Variants in NIBAN2 observed in about 807,000 individuals in gnomAD.
The protein encoded by NIBAN2 is niban apoptosis regulator 2, also known as protein Niban 2.
Under a neutral mutation model 81.8 loss-of-function variants are expected in NIBAN2, and 36 were observed. The observed-to-expected ratio is 0.44, with a 90% CI of 0.34 to 0.58. NIBAN2 has a LOEUF of 0.58. Ranked by LOEUF, NIBAN2 falls within the 20% of genes least tolerant of loss-of-function variation. The pLI is 0.02. For missense variants in NIBAN2, 897 were observed against 1,014.1 expected (o/e 0.88, Z 1.57); for synonymous variants, 445 against 441.6 (o/e 1.01, Z -0.10).
At chr9:127,572,787 A>G (rs61228810), upstream of NIBAN2, among the ~76,000 whole-genome samples, 4,188 of 152,168 alleles carry the variant, frequency 0.028, 75 homozygotes, top group Middle Eastern at 0.048. Flanking sequence ...GCTCACACTC[A>G]TAATGCCAGC....
intron 1 of NIBAN2, among the ~76,000 whole-genome samples, chr9:127,556,399 C>G (rs111862625): frequency 6.6e-6 from 1 of 152,078 alleles, no homozygotes; most frequent in South Asian, 2.1e-4. Context: ...CCTACCAGGA[C>G]CTTCATCCAG....
At chr9:127,531,408 T>C (rs1430545628) in intron 2 of NIBAN2, among the ~76,000 whole-genome samples, 8 of 150,944 alleles carry the variant, frequency 5.3e-5, no homozygotes, top group Admixed American at 4.0e-4. Flanking sequence ...GCCTTGAACC[T>C]GGGAGGCGGA....
intron 1 of NIBAN2, among the ~76,000 whole-genome samples, chr9:127,535,270 GC>G (rs11340184): frequency 0.023 from 3,465 of 152,358 alleles, 122 homozygotes; most frequent in African/African-American, 0.079. Flanking sequence ...ACACAGGTCT[GC>G]CTGACCGCAG....
chr9:127,527,364 G>A, intron 2 of NIBAN2, 42 bp from the exon 3 acceptor site: 2 of 1,587,296 alleles, frequency 1.3e-6, no homozygotes, highest in East Asian at 4.5e-5. Context: ...CAGGTCTGGG[G>A]GGGTGGTGCT....
At position 127,508,452 on chromosome 9, in the gene NIBAN2, G is replaced by A. The variant is rs1439082808; in HGVS notation, c.1404C>T (p.Ser468=). 3.1e-6 allele frequency: 5 copies of A among 1,613,306 alleles called. No homozygotes were observed. The highest frequency in any genetic ancestry group is 1.3e-5 in the African/African-American group (1 of 75,042). The part of the protein sequence containing the change: ...KGPTKEELCK[S]IQRVLERVLK... ...GCACCCGCTCCAGGACCCGCTGGAT[G>A]GACTTGCACAGCTCCTCCTTGGTGG... The change falls in exon 11 of 14, where the codon TCC becomes TCT. Residue 468 remains serine, a synonymous_variant. Transcript: ENST00000373312. The surrounding 1 kb of genome is among the most constrained non-coding windows in gnomAD (Gnocchi z 6.4).
chr9:127,544,381 G>T (rs1015755811), intron 1 of NIBAN2, among the ~76,000 whole-genome samples: 4 of 152,178 alleles, frequency 2.6e-5, no homozygotes, highest in African/African-American at 9.7e-5. Context: ...ACCTCACAAG[G>T]TTGCTAGGGC....
chr9:127,517,053 T>C lies in NIBAN2; in HGVS notation c.811-34A>G. The C allele has an allele frequency of 6.2e-7, 1 of 1,611,004 alleles. No individual in the cohort carries two copies. Among genetic ancestry groups the C allele is most frequent in the African/African-American group, 1.3e-5 (1 of 74,938 alleles). On this transcript the variant is annotated intron_variant, in intron 7 of 13. Transcript: ENST00000373312. This position sits in a 1 kb window ranked among gnomAD's most constrained non-coding sequence, Gnocchi z 4.0. ...AGAGCAGCTGAATTGGCACCAGGGC[T>C]GAGGGCACCGCACCAGCTGCAGGTC... is the stretch of plus-strand genomic sequence containing the variant.
chr9:127,565,230 G>T (rs1251989254), intron 1 of NIBAN2, among the ~76,000 whole-genome samples: 3 of 152,032 alleles, frequency 2.0e-5, no homozygotes, highest in Non-Finnish European at 4.4e-5. Flanking sequence ...CCAAAGTGCT[G>T]AGATTACAGG....
At chr9:127,565,893 A>G (rs1837849045) in intron 1 of NIBAN2, among the ~76,000 whole-genome samples, 1 of 150,708 alleles carries the variant, frequency 6.6e-6, no homozygotes, top group South Asian at 2.1e-4. Flanking sequence ...TGAGCCCAGG[A>G]GTTCAAGACC....
At chr9:127,547,523 CACA>C (rs558893740) in intron 1 of NIBAN2, among the ~76,000 whole-genome samples, 8 of 146,984 alleles carry the variant, frequency 5.4e-5, no homozygotes, top group East Asian at 4.1e-4. Flanking sequence ...TCTCAAAAAA[CACA>C]ACAACAACAA....
At chr9:127,523,258 T>G (rs1387741278) in intron 5 of NIBAN2, among the ~76,000 whole-genome samples, 1 of 60,672 alleles carries the variant, frequency 1.6e-5, no homozygotes, top group Non-Finnish European at 2.9e-5. Context: ...TATATAAAAT[T>G]AAAAAAAAAA....
At chr9:127,523,432 AG>A (rs1836998435) in intron 5 of NIBAN2, among the ~76,000 whole-genome samples, 1 of 151,152 alleles carries the variant, frequency 6.6e-6, no homozygotes, top group African/African-American at 2.4e-5. Context: ...TCAGGGTCCA[AG>A]GGCTCAACAA....
chr9:127,531,566 G>A, intron 2 of NIBAN2, 82 bp downstream of exon 2: 1 of 1,395,874 alleles, frequency 7.2e-7, no homozygotes, highest in Non-Finnish European at 9.8e-7. Context: ...GGAAACTGAG[G>A]CCCAGAAAAG....
intron 2 of NIBAN2, among the ~76,000 whole-genome samples, chr9:127,529,591 G>C (rs898961401): frequency 6.6e-6 from 1 of 152,196 alleles, no homozygotes; most frequent in Non-Finnish European, 1.5e-5. Context: ...AGTGAGCCGA[G>C]ACTGTGCCAC....
In NIBAN2 at chr9:127,507,447, G is replaced by A. The variant is rs1329726337; in HGVS notation, c.1655-16C>T. 2 of 1,489,568 alleles carry A rather than the reference G, an allele frequency of 1.3e-6. No homozygotes were observed. Among genetic ancestry groups the A allele is most frequent in the Non-Finnish European group, 8.9e-7 (1 of 1,119,004 alleles). 92.3% of individuals were successfully genotyped at this position (1,489,568 alleles called of 1,614,324 possible). ...TCCTTCACAGCTACAGGGCCACAGG[G>A]GAAGGGTCAGGACACAGCACTGATC... On this transcript the variant is annotated splice_polypyrimidine_tract_variant and intron_variant, in intron 13 of 13. Transcript: ENST00000373312. The surrounding 1 kb of genome is among the most constrained non-coding windows in gnomAD (Gnocchi z 6.8).
Position 127,507,508 on chromosome 9 carries a change from A to C in NIBAN2, c.1655-77T>G. ...CCCTGTGCTGGACTCTGCTCAAAGA[A>C]GACCCGTCTCATCCCGCCTTGGGGG... On this transcript the variant is annotated intron_variant, in intron 13 of 13. Transcript: ENST00000373312. This position sits in a 1 kb window ranked among gnomAD's most constrained non-coding sequence, Gnocchi z 6.8. 3 of 1,238,392 alleles carry C rather than the reference A, an allele frequency of 2.4e-6. No homozygotes were observed. Among genetic ancestry groups the C allele is most frequent in the South Asian group, 3.3e-5 (2 of 60,334 alleles). 76.7% of individuals were successfully genotyped at this position (1,238,392 alleles called of 1,614,324 possible). A position where few individuals can be genotyped will look rare whatever the true frequency, so the allele number is the denominator to read the frequency against.
At position 127,536,543 on chromosome 9, in the gene NIBAN2, G is replaced by A. The variant is rs1335853797; in HGVS notation, c.56-4765C>T. On this transcript the variant is annotated intron_variant, in intron 1 of 13. Transcript: ENST00000373312. This position sits in a 1 kb window ranked among gnomAD's most constrained non-coding sequence, Gnocchi z 4.0. ...ATGGCGTCCCGGCCTGGGTGTCTGT[G>A]GGGGTCCTGAGCCCGGGCACCCCTC... Among the ~76,000 whole-genome samples the A allele has an allele frequency of 6.6e-6, 1 of 152,202 alleles. No individual in the cohort carries two copies. Among genetic ancestry groups the A allele is most frequent in the Non-Finnish European group, 1.5e-5 (1 of 68,026 alleles).
In NIBAN2 at chr9:127,516,900, G is replaced by T. The variant is rs963915552; in HGVS notation, c.930C>A (p.Asp310Glu). 7 of 1,614,074 alleles carry T rather than the reference G, an allele frequency of 4.3e-6. No individual in the cohort carries two copies. The highest frequency in any genetic ancestry group is 5.9e-6 in the Non-Finnish European group (7 of 1,180,036). ...AMQAVIRTDMDQIITSKEHLA... is the reference protein window; with the variant it reads ...AMQAVIRTDMEQIITSKEHLA... ...GGTGCTCCTTGGAGGTGATAATTTG[G>T]TCCATGTCAGTTCGGATGACGGCCT... Residue 310 changes from aspartate to glutamate, a missense_variant, in exon 8 of 14, where the codon GAC becomes GAA. Coordinates refer to ENST00000373312, the MANE Select transcript of NIBAN2 (RefSeq NM_022833.4).
intron 1 of NIBAN2, among the ~76,000 whole-genome samples, chr9:127,541,427 G>A (rs1837377220): frequency 6.6e-6 from 1 of 152,184 alleles, no homozygotes; most frequent in African/African-American, 2.4e-5. Flanking sequence ...GAGAGGTTAA[G>A]GGACTTCTCC....
Sources: gnomAD v4.1 joint callset for allele counts (sites outside exome capture counted in the v4.1 genomes callset) on GRCh38, gnomAD v4.1.1 for gene constraint, Gnocchi (gnomAD v3.1) non-coding constraint, MANE v1.5 for transcripts, NCBI Gene and HGNC (gene_info 2026-07-23, HGNC 2026-07-21) for gene names.